Variants in RHOT2 observed in about 807,000 individuals in gnomAD.
The protein encoded by RHOT2 is ras homolog family member T2.
Under a neutral mutation model 81.6 loss-of-function variants are expected in RHOT2, and 90 were observed. The ratio of observed to expected loss-of-function variants is 1.10; its 90% CI spans 0.93 to 1.31. The LOEUF (loss-of-function observed/expected upper bound fraction) is 1.31, where lower values mean the gene tolerates loss of function less well. Ranked by LOEUF, RHOT2 falls within the 40% of genes most tolerant of loss-of-function variation. RHOT2 has a pLI of 0.00. For synonymous variants in RHOT2, 512 were observed against 370.9 expected, an observed-to-expected ratio of 1.38 and a Z score of -4.37; for missense variants, 1,014 against 841.9, an observed-to-expected ratio of 1.20 and a Z score of -2.53.
At chr16:668,434 G>A (rs768241970) in intron 2 of RHOT2, 23 bp downstream of exon 2, 14 of 1,553,810 alleles carry the variant, frequency 9.0e-6, no homozygotes, top group East Asian at 2.4e-5. Context: ...CCCGCCGCGG[G>A]GGTGGGAGCG....
rs1022540942 is a variant in RHOT2 at position 673,861 on chromosome 16, T to C, written c.*255T>C. The stretch of plus-strand genomic sequence containing the variant: ...AGCTCCCAAGTGCCGGCCACCGCTG[T>C]CAGGGATTGCCCACCCCTGGGCATC... On this transcript the variant is annotated 3_prime_UTR_variant, in exon 19 of 19. Transcript: ENST00000315082. 3 of 612,340 alleles carry C rather than the reference T, an allele frequency of 4.9e-6. No individual in the cohort carries two copies. Among genetic ancestry groups the C allele is most frequent in the Non-Finnish European group, 8.9e-6 (3 of 337,058 alleles). 37.9% of individuals were successfully genotyped at this position (612,340 alleles called of 1,614,324 possible).
In RHOT2 at chr16:673,875, C is replaced by A; in HGVS notation, c.*269C>A. 3.3e-6 allele frequency: 2 copies of A among 614,028 alleles called. No individual in the cohort carries two copies. Among genetic ancestry groups the A allele is most frequent in the Non-Finnish European group, 6.0e-6 (2 of 334,048 alleles). 38.0% of individuals were successfully genotyped at this position (614,028 alleles called of 1,614,324 possible). A position where few individuals can be genotyped will look rare whatever the true frequency, so the allele number is the denominator to read the frequency against. ...GGCCACCGCTGTCAGGGATTGCCCA[C>A]CCCTGGGCATCATGTGTGTGGGGCC... is the stretch of plus-strand genomic sequence containing the variant. On this transcript the variant is annotated 3_prime_UTR_variant, in exon 19 of 19. Transcript: ENST00000315082.
intron 5 of RHOT2, 21 bp downstream of exon 5, chr16:669,627 C>T (rs531826964): frequency 2.5e-6 from 4 of 1,610,384 alleles, no homozygotes; most frequent in African/African-American, 2.7e-5. Flanking sequence ...AGTGCAGACC[C>T]CAACAGCAGA....
rs113627342 is a variant in RHOT2, at chr16:668,469, G to A, written c.97-19G>A. 1 of 1,592,624 alleles carries A rather than the reference G, an allele frequency of 6.3e-7. No individual in the cohort carries two copies. The highest frequency in any genetic ancestry group is 8.5e-7 in the Non-Finnish European group (1 of 1,170,930). The stretch of plus-strand genomic sequence containing the variant: ...GGGCCCAGCCGGGGGTCCCTGGTGA[G>A]CGCGCGGGTCCCTTGCAGGTCCCTC... On this transcript the variant is annotated intron_variant, in intron 2 of 18. Transcript: ENST00000315082.
At position 673,818 on chromosome 16, in the gene RHOT2, GGCA is replaced by G; in HGVS notation, c.*214_*216del. Reference sequence around the variant, plus strand: ...CTGCCGGACCCCCAGGGTGGGCCGTGGCAGGTGGCTGAGCAGGAGCTCCCAAGT... The same window carrying G: ...CTGCCGGACCCCCAGGGTGGGCCGTGGGTGGCTGAGCAGGAGCTCCCAAGT... On this transcript the variant is annotated 3_prime_UTR_variant, in exon 19 of 19. Coordinates refer to ENST00000315082, the MANE Select transcript of RHOT2 (RefSeq NM_138769.3). 1.5e-6 allele frequency: 1 copy of G among 669,538 alleles called. No homozygotes were observed. The highest frequency in any genetic ancestry group is 1.8e-5 in the South Asian group (1 of 54,246). 41.5% of individuals were successfully genotyped at this position (669,538 alleles called of 1,614,324 possible). A position where few individuals can be genotyped will look rare whatever the true frequency, so the allele number is the denominator to read the frequency against.
intron 1 of RHOT2, 36 bp from the exon 2 acceptor site, chr16:668,317 C>T: frequency 2.3e-6 from 3 of 1,298,532 alleles, no homozygotes; most frequent in Non-Finnish European, 2.9e-6. Context: ...GGCGCCGTGA[C>T]CTTGGCCCTC....
chr16:668,491 C>T lies in RHOT2; in HGVS notation c.100C>T (p.Pro34Ser), dbSNP rs1355090381. 1.6e-5 allele frequency: 26 copies of T among 1,605,036 alleles called. No homozygotes were observed. Among genetic ancestry groups the T allele is most frequent in the Middle Eastern group, 1.7e-4 (1 of 5,878 alleles). ...LVGEEFPEEV[P>S]PRAEEITIPA... is the part of the protein sequence containing the mutation. Reference sequence around the variant, plus strand: ...TGAGCGCGCGGGTCCCTTGCAGGTCCCTCCCCGCGCGGAGGAGATCACCAT... The same window carrying T: ...TGAGCGCGCGGGTCCCTTGCAGGTCTCTCCCCGCGCGGAGGAGATCACCAT... The change falls in exon 3 of 19, where the codon CCT becomes TCT. Residue 34 changes from proline to serine, a missense_variant. Transcript: ENST00000315082.
intron 16 of RHOT2, 46 bp downstream of exon 16, chr16:672,612 G>A (rs765477170): frequency 1.2e-6 from 2 of 1,609,242 alleles, no homozygotes; most frequent in Non-Finnish European, 1.7e-6. Flanking sequence ...TGGACCCGGG[G>A]ACACCCAGGC....
chr16:670,602 A>AG (rs760561051), intron 8 of RHOT2, 45 bp downstream of exon 8: 1 of 1,597,944 alleles, frequency 6.3e-7, no homozygotes, highest in East Asian at 2.2e-5. Flanking sequence ...CCAGGGGCCC[A>AG]GGGGGTGCTG....
intron 4 of RHOT2, 182 bp from the exon 5 acceptor site, chr16:669,371 C>T: frequency 4.8e-6 from 3 of 630,796 alleles, no homozygotes; most frequent in Non-Finnish European, 5.7e-6. Context: ...AGTGCCTGCT[C>T]TGCCAACACC....
In RHOT2 at chr16:668,304, G is replaced by A. The variant is rs142911734; in HGVS notation, c.38-49G>A. 3.0e-4 allele frequency: 371 copies of A among 1,239,694 alleles called. 5 individuals carry two copies. The South Asian group carries it at 5.4e-3, about 18-fold the overall frequency. The allele number at this position is 1,239,694 out of a possible 1,614,324, so 76.8% of individuals were successfully genotyped here. A position where few individuals can be genotyped will look rare whatever the true frequency, so the allele number is the denominator to read the frequency against. On this transcript the variant is annotated intron_variant, in intron 1 of 18. Coordinates refer to ENST00000315082, the MANE Select transcript of RHOT2 (RefSeq NM_138769.3). ...GGCGGGGTGAGGGTCTCGGGGGTCG[G>A]GGGGCGCCGTGACCTTGGCCCTCGC...
rs1287073755 is a variant in RHOT2, at chr16:672,483, C to A, written c.1327-6C>A. The A allele has an allele frequency of 6.2e-7, 1 of 1,612,498 alleles. No homozygotes were observed. Among genetic ancestry groups the A allele is most frequent in the South Asian group, 1.1e-5 (1 of 91,088 alleles). On this transcript the variant is annotated splice_region_variant and splice_polypyrimidine_tract_variant and intron_variant, in intron 15 of 18. Transcript: ENST00000315082. Reference sequence around the variant, plus strand: ...CCAGCGAGTGTCAGGACTTCACCTCCCTCAGCACCAGGACACGAGGGAGCA... The same window carrying A: ...CCAGCGAGTGTCAGGACTTCACCTCACTCAGCACCAGGACACGAGGGAGCA...
At chr16:670,847 C>T (rs995147274) in intron 9 of RHOT2, 45 bp from the exon 10 acceptor site, 4 of 1,590,898 alleles carry the variant, frequency 2.5e-6, no homozygotes, top group East Asian at 2.3e-5. Flanking sequence ...AACGGGTCGT[C>T]TCCGGGTGGC....
Position 668,563 on chromosome 16 carries a change from T to C in RHOT2, c.172T>C (p.Tyr58His). The C allele has an allele frequency of 6.2e-7, 1 of 1,610,450 alleles. No individual in the cohort carries two copies. ...PEKVPTHIVD[Y>H]SEAEQTDEEL... Reference sequence around the variant, plus strand: ...GAAGGTGCCCACCCACATCGTGGACTACTCAGGTAGCGGCCGTAGCCTCCC... The same window carrying C: ...GAAGGTGCCCACCCACATCGTGGACCACTCAGGTAGCGGCCGTAGCCTCCC... Residue 58 changes from tyrosine (Y) to histidine (H), a missense_variant, in exon 3 of 19, where the codon TAC becomes CAC. Physicochemically the swap from Tyr to His is moderately conservative, Grantham distance 83 (BLOSUM62 2). Coordinates refer to ENST00000315082, the MANE Select transcript of RHOT2 (RefSeq NM_138769.3).
intron 3 of RHOT2, 34 bp downstream of exon 3, chr16:668,603 CAGCGGTCCGG>C: frequency 6.2e-7 from 1 of 1,609,804 alleles, no homozygotes; most frequent in South Asian, 1.1e-5. Flanking sequence ...GCCCGGCCCG[CAGCGGTCCGG>C]CGGGCCTGCT....
In RHOT2 at chr16:672,985, C is replaced by A. The variant is rs1369195498; in HGVS notation, c.1585C>A (p.Pro529Thr). ...CTTTGTCTCCTCCAAGGCCGACCTG[C>A]CCGAAGGTGTCGCGGTGTCTGGCCC... ...CLFVSSKADL[P>T]EGVAVSGPSP... is the part of the protein sequence containing the mutation. The change falls in exon 18 of 19, where the codon CCC becomes ACC. Residue 529 changes from proline (P) to threonine (T), a missense_variant. Physicochemically the swap from Pro to Thr is conservative, Grantham distance 38. Coordinates refer to ENST00000315082, the MANE Select transcript of RHOT2 (RefSeq NM_138769.3). 6.2e-7 allele frequency: 1 copy of A among 1,612,796 alleles called. No individual in the cohort carries two copies.
Position 671,970 on chromosome 16 carries a change from G to A in RHOT2, c.1065G>A (p.Arg355=). 6.2e-7 allele frequency: 1 copy of A among 1,612,230 alleles called. No individual in the cohort carries two copies. The highest frequency in any genetic ancestry group is 8.5e-7 in the Non-Finnish European group (1 of 1,179,794). ...GCACAGTCCGCACAGAGGCCGGCCGGTTGCCCCTGCACGGATACCTCTGCC... is the reference window on the plus strand; with the variant it reads ...GCACAGTCCGCACAGAGGCCGGCCGATTGCCCCTGCACGGATACCTCTGCC... ...LPRTVRTEAG[R]LPLHGYLCQW... Residue 355 remains arginine, a synonymous_variant, in exon 13 of 19, where the codon CGG becomes CGA. Transcript: ENST00000315082.
chr16:671,288 T>A, intron 11 of RHOT2, 85 bp downstream of exon 11: 1 of 1,483,830 alleles, frequency 6.7e-7, no homozygotes, highest in African/African-American at 1.4e-5. Flanking sequence ...TGAGTGACGC[T>A]GGGGTTTGAG....
chr16:669,858 G>T (rs893689619), intron 5 of RHOT2: 1 of 616,760 alleles, frequency 1.6e-6, no homozygotes, highest in Non-Finnish European at 2.8e-6. Context: ...ACCCCCGGGG[G>T]GGGACCCGCA....
Sources: gnomAD v4.1 joint callset for allele counts on GRCh38, gnomAD v4.1.1 for gene constraint, MANE v1.5 for transcripts, NCBI Gene and HGNC (gene_info 2026-07-23, HGNC 2026-07-21) for gene names.